TMEM230: variants seen among roughly 807,000 people sequenced by gnomAD.
TMEM230 encodes the protein UPF0414 transmembrane protein C20orf30.
In TMEM230, 10 loss-of-function variants were observed where a neutral mutation model predicts 15.8. That is an observed-to-expected ratio of 0.63 (90% CI 0.39 to 1.07). The LOEUF (loss-of-function observed/expected upper bound fraction) is 1.07. TMEM230 is among the 50% of genes least tolerant of loss of function. The pLI is 0.01. For missense variants in TMEM230, 165 were observed against 193.3 expected (o/e 0.85, Z 0.87); for synonymous variants, 67 against 76.9 (o/e 0.87, Z 0.68).
intron 3 of TMEM230, among the ~76,000 whole-genome samples, chr20:5,079,817 C>T (rs947225772): frequency 3.9e-5 from 6 of 151,976 alleles, no homozygotes; most frequent in African/African-American, 1.2e-4. Context: ...TGCAGAGGTG[C>T]GATCCTGGCT....
At chr20:5,063,157 G>A in the TMEM230 span, among the ~76,000 whole-genome samples, 1 of 152,014 alleles carries the variant, frequency 6.6e-6, no homozygotes, top group Non-Finnish European at 1.5e-5. Context: ...TGGGGAGGAG[G>A]AAGGGAGGCT....
chr20:5,089,276 G>A (rs1208976190), intron 3 of TMEM230, among the ~76,000 whole-genome samples: 2 of 152,146 alleles, frequency 1.3e-5, no homozygotes, highest in African/African-American at 4.8e-5. Flanking sequence ...TAGGGAGACT[G>A]AGGCAGGAGA....
At chr20:5,083,632 T>A (rs1236109346) in intron 3 of TMEM230, among the ~76,000 whole-genome samples, 1 of 152,202 alleles carries the variant, frequency 6.6e-6, no homozygotes, top group Non-Finnish European at 1.5e-5. Flanking sequence ...AATCAATATT[T>A]ATAAATGAAG....
At chr20:5,060,631 C>G in the TMEM230 span, among the ~76,000 whole-genome samples, 1 of 152,180 alleles carries the variant, frequency 6.6e-6, no homozygotes, top group African/African-American at 2.4e-5. Flanking sequence ...GCCACTGTGC[C>G]TGGCCCACTG....
intron 2 of TMEM230, among the ~76,000 whole-genome samples, chr20:5,110,734 A>T (rs1369952981): frequency 6.6e-6 from 1 of 152,226 alleles, no homozygotes; most frequent in Admixed American, 6.5e-5. Flanking sequence ...CTTACAAAAA[A>T]TTTTAAAGAA....
At chr20:5,109,625 G>A (rs1257590227) in intron 2 of TMEM230, among the ~76,000 whole-genome samples, 180 bp from the exon 2 acceptor site, 1 of 152,038 alleles carries the variant, frequency 6.6e-6, no homozygotes, top group Non-Finnish European at 1.5e-5. Flanking sequence ...TATGCATATG[G>A]AAAACCAGAT....
At chr20:5,089,440 C>T (rs2089445434) in intron 3 of TMEM230, among the ~76,000 whole-genome samples, 1 of 151,760 alleles carries the variant, frequency 6.6e-6, no homozygotes, top group Non-Finnish European at 1.5e-5. Flanking sequence ...TGGCTCATGC[C>T]TGTAATCCCA....
chr20:5,061,992 G>A, the TMEM230 span, among the ~76,000 whole-genome samples: 108 of 151,504 alleles, frequency 7.1e-4, 1 homozygote, highest in African/African-American at 2.0e-3. Context: ...AGGCCGAGGC[G>A]GGCAGATCAC....
At chr20:5,067,036 G>T (rs1239587437), downstream of TMEM230, among the ~76,000 whole-genome samples, 1 of 152,164 alleles carries the variant, frequency 6.6e-6, no homozygotes, top group Non-Finnish European at 1.5e-5. Context: ...AGGACTCCAA[G>T]TAGTGGAGAA....
chr20:5,098,176 C>T (rs904293788), downstream of TMEM230, among the ~76,000 whole-genome samples: 4 of 151,776 alleles, frequency 2.6e-5, no homozygotes, highest in African/African-American at 9.7e-5. Flanking sequence ...GGGGTTTCTC[C>T]ATGTTGGTCA....
chr20:5,104,119 G>T (rs994995584), intron 4 of TMEM230, among the ~76,000 whole-genome samples: 3 of 152,186 alleles, frequency 2.0e-5, no homozygotes, highest in African/African-American at 7.2e-5. Context: ...TTTCTCAAAA[G>T]AAGACATACA....
At chr20:5,064,414 T>G (rs2088632615), downstream of TMEM230, among the ~76,000 whole-genome samples, 2 of 151,398 alleles carry the variant, frequency 1.3e-5, no homozygotes, top group Non-Finnish European at 2.9e-5. Context: ...CCATCTCTAT[T>G]AAAAACACAA....
rs111632249 is a variant in TMEM230, at chr20:5,077,527, C to T, written c.223-8178G>A. Among the ~76,000 whole-genome samples, 1,063 of 136,952 alleles carry T rather than the reference C, an allele frequency of 7.8e-3. 9 individuals are homozygous for T. Among genetic ancestry groups the T allele is most frequent in the African/African-American group, 0.024 (952 of 39,970 alleles). 89.8% of individuals were successfully genotyped at this position (136,952 alleles called of 152,430 possible). On this transcript the variant is annotated intron_variant, in intron 3 of 3. Coordinates refer to the TMEM230 transcript ENST00000612323. ...CAGCCTGGTCAACATGGCAAAATCCCGTCTCTACTAAAAATACAAAAATTA... is the reference window on the plus strand; with the variant it reads ...CAGCCTGGTCAACATGGCAAAATCCTGTCTCTACTAAAAATACAAAAATTA...
intron 3 of TMEM230, among the ~76,000 whole-genome samples, chr20:5,082,222 TTCTCTCTCTC>T: frequency 8.3e-6 from 1 of 120,500 alleles, no homozygotes; most frequent in South Asian, 4.2e-4. Context: ...AAAGCCTTGT[TTCTCTCTCTC>T]TTTCTCTCTC....
At chr20:5,109,571 G>C in intron 2 of TMEM230, 126 bp from the exon 2 acceptor site, 1 of 712,308 alleles carries the variant, frequency 1.4e-6, no homozygotes, top group South Asian at 1.6e-5. Context: ...ACTAGCAATG[G>C]GCAATTTACA....
At chr20:5,085,869 G>T (rs1461531068) in intron 3 of TMEM230, among the ~76,000 whole-genome samples, 2 of 151,982 alleles carry the variant, frequency 1.3e-5, no homozygotes, top group Non-Finnish European at 2.9e-5. Context: ...CTCTCCCAAG[G>T]CCCCTCGTGT....
chr20:5,063,277 A>ATTTTTTTTTT (rs1165126313), downstream of TMEM230, among the ~76,000 whole-genome samples: 8 of 86,410 alleles, frequency 9.3e-5, no homozygotes, highest in East Asian at 4.3e-4. Flanking sequence ...GCTGCTATGA[A>ATTTTTTTTTT]TTTTTTTTTT....
At chr20:5,076,495 C>A (rs190267591) in intron 3 of TMEM230, among the ~76,000 whole-genome samples, 1 of 151,070 alleles carries the variant, frequency 6.6e-6, no homozygotes, top group Non-Finnish European at 1.5e-5. Flanking sequence ...GAGCTGAGAG[C>A]GCGCCACTGC....
At position 5,111,493 on chromosome 20, in the gene TMEM230, C is replaced by T; in HGVS notation, c.174+7G>A. ...GCATGGTGGTGGGTGCCTGTAGTCC[C>T]ACCTACTCGGGAGGCTGAAGCAGAA... is the stretch of plus-strand genomic sequence containing the variant. On this transcript the variant is annotated splice_region_variant and intron_variant, in intron 2 of 4. Coordinates refer to ENST00000342308, the MANE Select transcript of TMEM230 (RefSeq NM_001009923.2). 1 of 196,376 alleles carries T rather than the reference C, an allele frequency of 5.1e-6. No individual in the cohort carries two copies. The highest frequency in any genetic ancestry group is 5.4e-5 in the South Asian group (1 of 18,654). 12.2% of individuals were successfully genotyped at this position (196,376 alleles called of 1,614,324 possible).
Sources: gnomAD v4.1 joint callset for allele counts (sites outside exome capture counted in the v4.1 genomes callset) on GRCh38, gnomAD v4.1.1 for gene constraint, MANE v1.5 for transcripts, NCBI Gene and HGNC (gene_info 2026-07-23, HGNC 2026-07-21) for gene names.